ARMC9: variants seen among roughly 807,000 people sequenced by gnomAD.
The protein encoded by ARMC9 is lisH domain-containing protein ARMC9.
Under a neutral mutation model 107.0 loss-of-function variants are expected in ARMC9, and 94 were observed. The observed-to-expected ratio is 0.88, with a 90% CI of 0.74 to 1.04. The LOEUF (loss-of-function observed/expected upper bound fraction) is 1.04, where lower values mean the gene tolerates loss of function less well. Among genes scored for constraint, ARMC9 ranks in the 50% least tolerant of loss-of-function variants. The pLI, the probability that ARMC9 is intolerant of heterozygous loss-of-function variation, is 0.00. For synonymous variants in ARMC9, 380 were observed against 396.9 expected, an observed-to-expected ratio of 0.96 and a Z score of 0.51; for missense variants, 942 against 1,030.1, an observed-to-expected ratio of 0.91 and a Z score of 1.17.
chr2:231,370,904 GC>G (rs1211546615), intron 24 of ARMC9: 8 of 333,836 alleles, frequency 2.4e-5, no homozygotes, highest in African/African-American at 4.4e-5. Context: ...TTCTTTGGCC[GC>G]CCCCAGCCCG....
At chr2:231,216,246 A>G (rs573995756) in intron 4 of ARMC9, among the ~76,000 whole-genome samples, 3 of 152,242 alleles carry the variant, frequency 2.0e-5, no homozygotes, top group Non-Finnish European at 2.9e-5. Context: ...GGTAATGCAG[A>G]CAGATACTTA....
In ARMC9 at chr2:231,364,136, G is replaced by A. The variant is rs147471437; in HGVS notation, c.2261+3253G>A. 4.8e-3 allele frequency among the ~76,000 whole-genome samples: 724 copies of A among 152,356 alleles called. 4 individuals carry two copies. The highest frequency in any genetic ancestry group is 0.016 in the African/African-American group (659 of 41,584). ...ACCACAGAGGCTGAGTTGCACCCCG[G>A]AATGTGCAGGAAGGTGATGGCAGGG... On this transcript the variant is annotated intron_variant, in intron 23 of 24. Transcript: ENST00000611582.
chr2:231,220,224 TA>T (rs1162534987), intron 5 of ARMC9, among the ~76,000 whole-genome samples: 5 of 152,188 alleles, frequency 3.3e-5, no homozygotes, highest in Non-Finnish European at 5.9e-5. Flanking sequence ...TTCAGAAGTT[TA>T]TTTTTTTGTT....
In ARMC9 at chr2:231,222,767, T is replaced by C; in HGVS notation, c.544T>C (p.Phe182Leu). Residue 182 changes from phenylalanine to leucine, a missense_variant, in exon 6 of 25, where the codon TTT (phenylalanine) becomes CTT (leucine). Transcript: ENST00000611582. ...TPELKLKLIKFLALISKASNT... is the reference protein window; with the variant it reads ...TPELKLKLIKLLALISKASNT... Reference sequence around the variant, plus strand: ...AGAGTTAAAGTTGAAGTTGATAAAGTTTCTAGCTTTAATATCTAAAGCCAG... The same window carrying C: ...AGAGTTAAAGTTGAAGTTGATAAAGCTTCTAGCTTTAATATCTAAAGCCAG... The C allele has an allele frequency of 6.3e-7, 1 of 1,595,324 alleles. No homozygotes were observed. The highest frequency in any genetic ancestry group is 1.1e-5 in the South Asian group (1 of 89,912).
chr2:231,323,047 G>A (rs1341469788), intron 19 of ARMC9, among the ~76,000 whole-genome samples: 1 of 152,160 alleles, frequency 6.6e-6, no homozygotes, highest in Non-Finnish European at 1.5e-5. Context: ...CCCCGAGCAG[G>A]GCACGGTGGC....
At position 231,372,774 on chromosome 2, in the gene ARMC9, A is replaced by T. The variant is rs1246205384; in HGVS notation, c.*1239A>T. On this transcript the variant is annotated 3_prime_UTR_variant, in exon 25 of 25. Transcript: ENST00000611582. ...TGTGTGTATGAGTGTATGAAGGGAA[A>T]TGGAAAGCAGAGAAAAGTCGCGTGC... The T allele has an allele frequency of 6.7e-6, 1 of 148,838 alleles. No individual in the cohort carries two copies. Among genetic ancestry groups the T allele is most frequent in the Non-Finnish European group, 1.5e-5 (1 of 68,320 alleles). The allele number at this position is 148,838 out of a possible 1,614,324, so 9.2% of individuals were successfully genotyped here. A position where few individuals can be genotyped will look rare whatever the true frequency, so the allele number is the denominator to read the frequency against.
In ARMC9 at chr2:231,341,632, TAGATAGATGATAGATAGATAGATAGATA is replaced by T. The variant is rs1559487587; in HGVS notation, c.1879-3342_1879-3315del. 6.5e-3 allele frequency among the ~76,000 whole-genome samples: 693 copies of T among 105,906 alleles called. 5 individuals carry two copies. The highest frequency in any genetic ancestry group is 0.04 in the African/African-American group (653 of 16,382). 69.5% of individuals were successfully genotyped at this position (105,906 alleles called of 152,430 possible). ...GAGATATAGATGATTGATTGATAGA[TAGATAGATGATAGATAGATAGATAGATA>T]GATAGATAGATAGATAGAGTATACC... On this transcript the variant is annotated intron_variant, in intron 20 of 24. Coordinates refer to ENST00000611582, the MANE Select transcript of ARMC9 (RefSeq NM_001352754.2).
chr2:231,367,204 T>C (rs1020198917), intron 23 of ARMC9, among the ~76,000 whole-genome samples: 3 of 152,202 alleles, frequency 2.0e-5, no homozygotes, highest in African/African-American at 7.2e-5. Flanking sequence ...AGGGCTTTGA[T>C]GCCCAGTGGC....
intron 18 of ARMC9, among the ~76,000 whole-genome samples, chr2:231,293,267 A>G (rs1201533795): frequency 6.6e-6 from 1 of 151,950 alleles, no homozygotes; most frequent in African/African-American, 2.4e-5. Flanking sequence ...TAAAAATAAG[A>G]CCTGAACCTC....
chr2:231,371,480 G>A (rs2046018643), intron 24 of ARMC9, 33 bp from the exon 25 acceptor site: 7 of 1,243,118 alleles, frequency 5.6e-6, no homozygotes, highest in Non-Finnish European at 7.0e-6. Flanking sequence ...AGACCACACA[G>A]CACTGGCATC....
At chr2:231,264,972 C>T (rs564948284) in intron 12 of ARMC9, among the ~76,000 whole-genome samples, 4 of 152,198 alleles carry the variant, frequency 2.6e-5, no homozygotes, top group Non-Finnish European at 4.4e-5. Context: ...GTGGCACGCA[C>T]CTGTAATCCC....
intron 5 of ARMC9, among the ~76,000 whole-genome samples, chr2:231,220,282 T>A (rs1187801197): frequency 2.0e-5 from 3 of 152,146 alleles, no homozygotes; most frequent in African/African-American, 7.2e-5. Flanking sequence ...CATTCCTTCC[T>A]GTCTTTTATT....
chr2:231,302,437 G>GTTTTTTTT (rs56032700), intron 19 of ARMC9, among the ~76,000 whole-genome samples: 51 of 58,106 alleles, frequency 8.8e-4, no homozygotes, highest in Non-Finnish European at 1.0e-3. Flanking sequence ...TTGTGGGTTT[G>GTTTTTTTT]TTTTTTTTTT....
intron 1 of ARMC9, among the ~76,000 whole-genome samples, chr2:231,201,906 G>A (rs1205789960): frequency 1.3e-5 from 2 of 152,016 alleles, no homozygotes; most frequent in Non-Finnish European, 2.9e-5. Context: ...TGCTGTAGTC[G>A]CTTTGGTTCC....
rs1236949861 is a variant in ARMC9, at chr2:231,272,959, C to T, written c.1215C>T (p.Arg405=). ...INAFASLAEG[R]LYLAQNTKVL... ...TCATCTCTGGTGTATTATCAGGTCG[C>T]CTCTACCTTGCCCAGAACACAAAGG... is the stretch of plus-strand genomic sequence containing the variant. Residue 405 remains arginine, a synonymous_variant, in exon 14 of 25, where the codon CGC becomes CGT. Coordinates refer to ENST00000611582, the MANE Select transcript of ARMC9 (RefSeq NM_001352754.2). The T allele has an allele frequency of 6.2e-7, 1 of 1,613,568 alleles. No individual in the cohort carries two copies.
At chr2:231,364,943 C>G (rs1187857243) in intron 23 of ARMC9, among the ~76,000 whole-genome samples, 3 of 152,334 alleles carry the variant, frequency 2.0e-5, no homozygotes, top group Non-Finnish European at 2.9e-5. Context: ...GAGGCTGGGC[C>G]CCTATCATTG....
At chr2:231,235,890 C>G (rs550378757) in intron 8 of ARMC9, among the ~76,000 whole-genome samples, 60 of 152,356 alleles carry the variant, frequency 3.9e-4, no homozygotes, top group South Asian at 3.1e-3. Flanking sequence ...GATCCGCCAG[C>G]CTTGGCCTCC....
intron 9 of ARMC9, among the ~76,000 whole-genome samples, chr2:231,247,138 G>A (rs1429030980): frequency 9.2e-5 from 14 of 152,048 alleles, no homozygotes; most frequent in African/African-American, 2.9e-4. Flanking sequence ...TGTATTTTTA[G>A]TAGAGACGAG....
At position 231,203,789 on chromosome 2, in the gene ARMC9, G is replaced by A. The variant is rs995532439; in HGVS notation, c.-41-2409G>A. Among the ~76,000 whole-genome samples, 9 of 152,108 alleles carry A rather than the reference G, an allele frequency of 5.9e-5. No individual in the cohort carries two copies. The East Asian group carries it at 1.2e-3, about 20-fold the overall frequency. On this transcript the variant is annotated intron_variant, in intron 1 of 24. Transcript: ENST00000611582. ...AGCCTGGCCAACGTGGTAAAACCCCGTCTCTACTAAAAATACAAAAATTAG... is the reference window on the plus strand; with the variant it reads ...AGCCTGGCCAACGTGGTAAAACCCCATCTCTACTAAAAATACAAAAATTAG...
Sources: allele counts gnomAD v4.1 joint callset (sites outside exome capture counted in the v4.1 genomes callset), GRCh38; gene constraint gnomAD v4.1.1; transcripts MANE v1.5; gene names NCBI Gene and HGNC (gene_info 2026-07-23, HGNC 2026-07-21).